The following ADCY2 variants were observed in gnomAD, a reference collection of about 807,000 sequenced individuals.
ADCY2 encodes adenylate cyclase type 2.
In ADCY2, 31 loss-of-function variants were observed where a neutral mutation model predicts 125.2. That is an observed-to-expected ratio of 0.25 (90% CI 0.19 to 0.33). The LOEUF (loss-of-function observed/expected upper bound fraction) is 0.33. Among genes scored for constraint, ADCY2 ranks in the 10% least tolerant of loss-of-function variants. The pLI is 1.00. For missense variants in ADCY2, 904 were observed against 1,418.2 expected (o/e 0.64, Z 5.82); for synonymous variants, 512 against 548.4 (o/e 0.93, Z 0.93).
At chr5:7,621,504 T>C (rs982608192) in intron 3 of ADCY2, among the ~76,000 whole-genome samples, 2 of 152,220 alleles carry the variant, frequency 1.3e-5, no homozygotes, top group Non-Finnish European at 2.9e-5. Flanking sequence ...CTGTGTAGAA[T>C]ATACAGGGAC....
intron 2 of ADCY2, among the ~76,000 whole-genome samples, chr5:7,432,281 C>G (rs769272825): frequency 1.1e-4 from 16 of 151,958 alleles, no homozygotes; most frequent in South Asian, 2.1e-4. Context: ...GACTTCTTTC[C>G]TCCTGGGCAC....
intron 4 of ADCY2, among the ~76,000 whole-genome samples, chr5:7,652,312 G>T (rs1310093180): frequency 6.6e-6 from 1 of 152,188 alleles, no homozygotes; most frequent in Non-Finnish European, 1.5e-5. Flanking sequence ...TATTACAGGA[G>T]AGAGAAAGAG....
At chr5:7,498,844 C>T (rs1743440960) in intron 2 of ADCY2, among the ~76,000 whole-genome samples, 1 of 152,080 alleles carries the variant, frequency 6.6e-6, no homozygotes. Context: ...ACAGTGATGA[C>T]AATGAAGCAA....
At chr5:7,738,108 GCTTA>G (rs1742301506) in intron 14 of ADCY2, among the ~76,000 whole-genome samples, 1 of 152,132 alleles carries the variant, frequency 6.6e-6, no homozygotes, top group Non-Finnish European at 1.5e-5. Context: ...TATTGGACAT[GCTTA>G]CTTTATGAGA....
intron 4 of ADCY2, among the ~76,000 whole-genome samples, chr5:7,646,356 A>G (rs1738896808): frequency 6.6e-6 from 1 of 151,090 alleles, no homozygotes; most frequent in Admixed American, 6.6e-5. Flanking sequence ...GTACAAATAC[A>G]CATATTTATA....
At chr5:7,817,510 G>C (rs1196426833) in intron 23 of ADCY2, among the ~76,000 whole-genome samples, 1 of 152,094 alleles carries the variant, frequency 6.6e-6, no homozygotes, top group African/African-American at 2.4e-5. Context: ...AAAAAATCCA[G>C]CTTTCTTTAT....
At chr5:7,425,369 G>A (rs1358606958) in intron 2 of ADCY2, among the ~76,000 whole-genome samples, 2 of 152,118 alleles carry the variant, frequency 1.3e-5, no homozygotes, top group Non-Finnish European at 2.9e-5. Context: ...CCAACTACTC[G>A]AGCATTAAGT....
intron 15 of ADCY2, 66 bp from the exon 16 acceptor site, chr5:7,757,383 C>T (rs1203330851): frequency 6.4e-7 from 1 of 1,567,962 alleles, no homozygotes; most frequent in Non-Finnish European, 8.7e-7. Flanking sequence ...TAAACATTGT[C>T]ATCAAGAAAC....
At chr5:7,489,489 T>C (rs544781989) in intron 2 of ADCY2, among the ~76,000 whole-genome samples, 1 of 152,316 alleles carries the variant, frequency 6.6e-6, no homozygotes, top group East Asian at 1.9e-4. Flanking sequence ...ATCACATCCC[T>C]GTGCCTGGCT....
intron 3 of ADCY2, among the ~76,000 whole-genome samples, chr5:7,538,728 G>C (rs1051892574): frequency 6.6e-6 from 1 of 152,002 alleles, no homozygotes; most frequent in Non-Finnish European, 1.5e-5. Flanking sequence ...ATGTCAATTA[G>C]ATCAACAGTT....
chr5:7,667,054 A>G (rs775115567), intron 4 of ADCY2, among the ~76,000 whole-genome samples: 5 of 152,184 alleles, frequency 3.3e-5, no homozygotes, highest in Non-Finnish European at 7.3e-5. Context: ...ATGTATATCA[A>G]GAGATGGATG....
intron 2 of ADCY2, among the ~76,000 whole-genome samples, chr5:7,512,291 A>G (rs990263647): frequency 2.0e-5 from 3 of 149,648 alleles, no homozygotes; most frequent in Non-Finnish European, 3.0e-5. Context: ...TATCAGATTT[A>G]ACTTTTTAAC....
chr5:7,657,670 C>T lies in ADCY2; in HGVS notation c.720+31354C>T, dbSNP rs1293381127. Among the ~76,000 whole-genome samples, 8 of 152,150 alleles carry T rather than the reference C, an allele frequency of 5.3e-5. No homozygotes were observed. The South Asian group carries it at 8.3e-4, about 16-fold the overall frequency. The stretch of plus-strand genomic sequence containing the variant: ...CTTTCATTCTTTCCTGCACTAAGGG[C>T]GAAACACACGTGAGGGTTAATCACC... On this transcript the variant is annotated intron_variant, in intron 4 of 24. Transcript: ENST00000338316.
At chr5:7,517,805 C>T (rs1013128982) in intron 2 of ADCY2, among the ~76,000 whole-genome samples, 24 of 151,954 alleles carry the variant, frequency 1.6e-4, no homozygotes, top group African/African-American at 5.6e-4. Flanking sequence ...TTAATGGAGA[C>T]GGTATTAGAA....
chr5:7,657,940 G>A (rs1409324297), intron 4 of ADCY2: 2 of 152,294 alleles, frequency 1.3e-5, no homozygotes, highest in Admixed American at 1.3e-4. Flanking sequence ...CTCCCACTGA[G>A]GCTGATGGAC....
intron 16 of ADCY2, among the ~76,000 whole-genome samples, chr5:7,765,168 T>C (rs1276242354): frequency 6.6e-6 from 1 of 152,190 alleles, no homozygotes; most frequent in African/African-American, 2.4e-5. Context: ...TTTTTGCCTA[T>C]AGGTGATATA....
At chr5:7,694,197 G>A (rs1326960260) in intron 5 of ADCY2, among the ~76,000 whole-genome samples, 1 of 152,306 alleles carries the variant, frequency 6.6e-6, no homozygotes, top group Non-Finnish European at 1.5e-5. Flanking sequence ...GCAGAGTATG[G>A]CCAACAGCAG....
intron 15 of ADCY2, among the ~76,000 whole-genome samples, chr5:7,755,161 A>T (rs1000474750): frequency 6.6e-6 from 1 of 152,170 alleles, no homozygotes; most frequent in African/African-American, 2.4e-5. Flanking sequence ...CGGTGATCAG[A>T]TGTCCTGCAG....
chr5:7,534,745 A>G (rs948316865), intron 3 of ADCY2, among the ~76,000 whole-genome samples: 4 of 152,202 alleles, frequency 2.6e-5, no homozygotes, highest in African/African-American at 9.6e-5. Flanking sequence ...TTCTGGGCAG[A>G]CGAGAAGCAG....
Sources: allele counts gnomAD v4.1 joint callset (sites outside exome capture counted in the v4.1 genomes callset), GRCh38; gene constraint gnomAD v4.1.1; transcripts MANE v1.5; gene names NCBI Gene and HGNC (gene_info 2026-07-23, HGNC 2026-07-21).